The following RBFOX1 variants were observed in gnomAD, a reference collection of about 807,000 sequenced individuals.
RBFOX1 encodes the protein RNA binding fox-1 homolog 1, also known as RNA binding protein fox-1 homolog 1.
In RBFOX1, 8 loss-of-function variants were observed where a neutral mutation model predicts 57.7. That is an observed-to-expected ratio of 0.14 (90% CI 0.08 to 0.25). RBFOX1 has a LOEUF of 0.25. Among genes scored for constraint, RBFOX1 ranks in the 10% least tolerant of loss-of-function variants. The probability of loss-of-function intolerance (pLI) is 1.00; values close to 1 mark genes in which losing one functional copy is unlikely to be tolerated. For missense variants in RBFOX1, 611 were observed against 548.5 expected, an observed-to-expected ratio of 1.11 and a Z score of -1.14; for synonymous variants, 326 against 222.4, an observed-to-expected ratio of 1.47 and a Z score of -4.15.
chr16:6,177,540 A>G (rs893508698), intron 1 of RBFOX1, among the ~76,000 whole-genome samples: 2 of 152,158 alleles, frequency 1.3e-5, no homozygotes, highest in African/African-American at 4.8e-5. Context: ...GACTGCCTTT[A>G]TAGAATCATG....
chr16:5,777,013 T>G (rs77463433), intron 3 of RBFOX1, among the ~76,000 whole-genome samples: 5,554 of 152,284 alleles, frequency 0.036, 315 homozygotes, highest in African/African-American at 0.12. Flanking sequence ...CACCATATGG[T>G]GTAGCACAGC....
At chr16:6,106,108 A>G (rs1342521221) in intron 1 of RBFOX1, among the ~76,000 whole-genome samples, 1 of 152,068 alleles carries the variant, frequency 6.6e-6, no homozygotes, top group Non-Finnish European at 1.5e-5. Flanking sequence ...AATTGGCTCC[A>G]GGTATAGACA....
At position 6,097,501 on chromosome 16, in the gene RBFOX1, A is replaced by G. The variant is rs1323453211; in HGVS notation, c.-127+77509A>G. Reference sequence around the variant, plus strand: ...AGCAGAATCTCTGGTGGCAGGAACCAGCAATCTGTGCTTTCAACAAGCTCT... The same window carrying G: ...AGCAGAATCTCTGGTGGCAGGAACCGGCAATCTGTGCTTTCAACAAGCTCT... On this transcript the variant is annotated intron_variant, in intron 1 of 15. Coordinates refer to ENST00000550418, the MANE Select transcript of RBFOX1 (RefSeq NM_018723.4). This position sits in a 1 kb window ranked among gnomAD's most constrained non-coding sequence, Gnocchi z 5.0. 6.6e-6 allele frequency among the ~76,000 whole-genome samples: 1 copy of G among 152,206 alleles called. No individual in the cohort carries two copies. The highest frequency in any genetic ancestry group is 2.1e-4 in the South Asian group (1 of 4,832).
intron 4 of RBFOX1, among the ~76,000 whole-genome samples, chr16:7,477,384 T>C (rs2062958159): frequency 6.6e-6 from 1 of 152,154 alleles, no homozygotes; most frequent in South Asian, 2.1e-4. Context: ...TTTGGGTCTA[T>C]GAAAAGAGGG....
At chr16:6,660,800 C>T (rs566598149) in intron 3 of RBFOX1, among the ~76,000 whole-genome samples, 31 of 152,208 alleles carry the variant, frequency 2.0e-4, no homozygotes, top group Middle Eastern at 3.4e-3. Context: ...ACAGGCCTAC[C>T]ATGTCATTTA....
At chr16:7,128,245 A>G (rs923062659) in intron 4 of RBFOX1, among the ~76,000 whole-genome samples, 1 of 152,234 alleles carries the variant, frequency 6.6e-6, no homozygotes, top group African/African-American at 2.4e-5. Flanking sequence ...TCCTTTTTGT[A>G]TATGAACTCT....
At chr16:7,222,813 T>G (rs553775120) in intron 4 of RBFOX1, among the ~76,000 whole-genome samples, 1 of 152,320 alleles carries the variant, frequency 6.6e-6, no homozygotes, top group Admixed American at 6.5e-5. Context: ...CTCTTCTGGG[T>G]ACTCATCATG....
chr16:6,310,901 TA>T (rs200121160), intron 1 of RBFOX1, among the ~76,000 whole-genome samples: 682 of 140,486 alleles, frequency 4.9e-3, no homozygotes, highest in Middle Eastern at 7.5e-3. Context: ...ACCAGTGGTT[TA>T]AAAAAAAAAA....
intron 1 of RBFOX1, among the ~76,000 whole-genome samples, chr16:6,288,181 G>A (rs1390498638): frequency 2.0e-5 from 3 of 152,154 alleles, no homozygotes; most frequent in African/African-American, 7.2e-5. Context: ...TCTCTATGTT[G>A]TTGAAATTTA....
chr16:6,526,415 A>G (rs778687777), intron 2 of RBFOX1, among the ~76,000 whole-genome samples: 13 of 152,212 alleles, frequency 8.5e-5, no homozygotes, highest in African/African-American at 1.7e-4. Flanking sequence ...AGATTCTGCA[A>G]TTATAAGCAC....
intron 2 of RBFOX1, among the ~76,000 whole-genome samples, chr16:6,362,420 TA>T (rs1213296028): frequency 1.3e-5 from 2 of 152,140 alleles, no homozygotes; most frequent in African/African-American, 4.8e-5. Context: ...ACATAAATAA[TA>T]CATGGTCAGG....
chr16:5,828,969 G>A (rs1242422849), intron 3 of RBFOX1, among the ~76,000 whole-genome samples: 1 of 152,146 alleles, frequency 6.6e-6, no homozygotes. Context: ...CTCTGCTCCG[G>A]GTCTCCCACA....
At chr16:6,003,358 G>A (rs1428188423) in intron 4 of RBFOX1, among the ~76,000 whole-genome samples, 1 of 150,894 alleles carries the variant, frequency 6.6e-6, no homozygotes, top group Non-Finnish European at 1.5e-5. Flanking sequence ...TTCCCTCCTT[G>A]TGAGATCTCC....
intron 3 of RBFOX1, among the ~76,000 whole-genome samples, chr16:5,618,033 A>G (rs1027311785): frequency 6.6e-6 from 1 of 152,248 alleles, no homozygotes; most frequent in Admixed American, 6.5e-5. Flanking sequence ...CATAAATTAT[A>G]CAAATCTGGA....
intron 3 of RBFOX1, among the ~76,000 whole-genome samples, chr16:7,038,143 C>A (rs7189177): frequency 0.09 from 13,617 of 152,038 alleles, 1,012 homozygotes; most frequent in East Asian, 0.32. Context: ...GGAAAATCTT[C>A]GCTGAGATGC....
rs562956879 is a variant in RBFOX1 at position 6,464,819 on chromosome 16, T to C, written c.-64+147762T>C. 7.2e-5 allele frequency among the ~76,000 whole-genome samples: 11 copies of C among 152,364 alleles called. No homozygotes were observed. In the East Asian group the frequency reaches 2.1e-3, roughly 29 times the overall value. On this transcript the variant is annotated intron_variant, in intron 2 of 15. Coordinates refer to ENST00000550418, the MANE Select transcript of RBFOX1 (RefSeq NM_018723.4). ...ATTTCACCTTTTCTCCTTCCTGCAA[T>C]GTTTAAGCCAAGTTAACTGATAGCA... is the stretch of plus-strand genomic sequence containing the variant.
intron 4 of RBFOX1, among the ~76,000 whole-genome samples, chr16:7,380,905 T>A (rs1458294637): frequency 1.3e-5 from 2 of 152,338 alleles, no homozygotes; most frequent in East Asian, 3.9e-4. Flanking sequence ...TTTTTAAATG[T>A]CCTCCGTAAA....
chr16:6,306,531 A>G (rs1038495843), intron 1 of RBFOX1, among the ~76,000 whole-genome samples: 4 of 152,198 alleles, frequency 2.6e-5, no homozygotes, highest in African/African-American at 9.6e-5. Flanking sequence ...TCTTAATAGC[A>G]CGTGTGTGCC....
chr16:7,110,893 T>C (rs77621004), intron 4 of RBFOX1, among the ~76,000 whole-genome samples: 6,301 of 152,254 alleles, frequency 0.041, 178 homozygotes, highest in Middle Eastern at 0.088. Context: ...AGCTGTGATA[T>C]AGAATTAAGA....
Sources: gnomAD v4.1 joint callset for allele counts (sites outside exome capture counted in the v4.1 genomes callset) on GRCh38, gnomAD v4.1.1 for gene constraint, Gnocchi (gnomAD v3.1) non-coding constraint, MANE v1.5 for transcripts, NCBI Gene and HGNC (gene_info 2026-07-23, HGNC 2026-07-21) for gene names.